The following NPNT variants were observed in gnomAD, a reference collection of about 807,000 sequenced individuals.
NPNT encodes preosteoblast EGF-like repeat protein with MAM domain.
NPNT carries 45 observed loss-of-function variants against 68.6 expected under a neutral mutation model. The ratio of observed to expected loss-of-function variants is 0.66; its 90% CI spans 0.52 to 0.84. The LOEUF (loss-of-function observed/expected upper bound fraction) is 0.84. NPNT is among the 40% of genes least tolerant of loss of function. The pLI, the probability that NPNT is intolerant of heterozygous loss-of-function variation, is 0.00. For synonymous variants in NPNT, 233 were observed against 253.3 expected (o/e 0.92, Z 0.76); for missense variants, 672 against 714.8 (o/e 0.94, Z 0.68).
intron 8 of NPNT, among the ~76,000 whole-genome samples, chr4:105,943,476 C>T (rs1560926360): frequency 6.6e-6 from 1 of 152,170 alleles, no homozygotes; most frequent in Non-Finnish European, 1.5e-5. Context: ...GTTAGACCTA[C>T]ACTGGGGCTG....
At chr4:105,953,927 G>C (rs941677669) in intron 8 of NPNT, among the ~76,000 whole-genome samples, 7 of 152,264 alleles carry the variant, frequency 4.6e-5, no homozygotes, top group Middle Eastern at 3.4e-3. Flanking sequence ...CTTACATTTT[G>C]CTATAGTTAC....
chr4:105,935,217 GTGTTA>G (rs372092562), intron 3 of NPNT, among the ~76,000 whole-genome samples: 152 of 152,290 alleles, frequency 1.0e-3, no homozygotes, highest in African/African-American at 3.6e-3. Flanking sequence ...TGATTTTACT[GTGTTA>G]TGTTGTGGTT....
rs796636387 is a variant in NPNT at position 105,968,818 on chromosome 4, G to A, written c.1603-77G>A. On this transcript the variant is annotated intron_variant, in intron 11 of 11. Coordinates refer to ENST00000379987, the MANE Select transcript of NPNT (RefSeq NM_001033047.3). ...TTAAAATTGGTTTGGGGGAAGGTTT[G>A]CCTTTATTTTTGCTTAATAAGGAGG... 26 of 780,098 alleles carry A rather than the reference G, an allele frequency of 3.3e-5. No homozygotes were observed. In the African/African-American group the frequency reaches 4.2e-4, roughly 13 times the overall value. The allele number at this position is 780,098 out of a possible 1,614,324, so 48.3% of individuals were successfully genotyped here.
intron 7 of NPNT, among the ~76,000 whole-genome samples, 192 bp from the exon 8 acceptor site, chr4:105,942,115 G>C (rs28408333): frequency 1.1e-4 from 8 of 72,240 alleles, no homozygotes; most frequent in African/African-American, 3.4e-4. Flanking sequence ...CTGTGTGTGT[G>C]TATATATATA....
intron 2 of NPNT, chr4:105,912,196 G>GT: frequency 6.5e-7 from 1 of 1,533,524 alleles, no homozygotes; most frequent in South Asian, 1.2e-5. Flanking sequence ...AGCTTTCTAC[G>GT]TCTTAAGGCA....
At chr4:105,932,470 CTA>C (rs1729190947) in intron 3 of NPNT, 1 of 502,214 alleles carries the variant, frequency 2.0e-6, no homozygotes, top group Non-Finnish European at 3.5e-6. Flanking sequence ...GAACCAGAAA[CTA>C]TTGTTTATAA....
intron 8 of NPNT, among the ~76,000 whole-genome samples, chr4:105,957,016 G>A (rs769361654): frequency 2.0e-5 from 3 of 152,084 alleles, no homozygotes; most frequent in East Asian, 1.9e-4. Flanking sequence ...TAGGAACATC[G>A]TTGAAAAAAG....
At position 105,969,030 on chromosome 4, in the gene NPNT, C is replaced by A. The variant is rs183131507; in HGVS notation, c.*40C>A. ...ACAATGAACTCCTATGTTGCTCTAT[C>A]CTCTTTTTCCAATTCTCATCTTCTC... On this transcript the variant is annotated 3_prime_UTR_variant, in exon 12 of 12. Coordinates refer to ENST00000379987, the MANE Select transcript of NPNT (RefSeq NM_001033047.3). The A allele has an allele frequency of 2.1e-3, 2,687 of 1,277,060 alleles. 6 individuals are homozygous for A. The highest frequency in any genetic ancestry group is 2.7e-3 in the Non-Finnish European group (2,408 of 881,912). The allele number at this position is 1,277,060 out of a possible 1,614,324, so 79.1% of individuals were successfully genotyped here.
intron 3 of NPNT, among the ~76,000 whole-genome samples, chr4:105,931,735 G>C (rs1055940197): frequency 2.6e-5 from 4 of 151,896 alleles, no homozygotes; most frequent in African/African-American, 9.7e-5. Context: ...AGCTACTCGG[G>C]AGGCTGTGGC....
At chr4:105,925,018 T>C (rs1469068026) in intron 2 of NPNT, among the ~76,000 whole-genome samples, 1 of 152,200 alleles carries the variant, frequency 6.6e-6, no homozygotes, top group Non-Finnish European at 1.5e-5. Flanking sequence ...TGGAAGGTCA[T>C]CTTTTTAGAT....
At chr4:105,930,655 C>G (rs1729041292) in intron 3 of NPNT, among the ~76,000 whole-genome samples, 1 of 152,158 alleles carries the variant, frequency 6.6e-6, no homozygotes, top group Admixed American at 6.5e-5. Flanking sequence ...CTTTACAGAA[C>G]TGGAAATTAG....
intron 8 of NPNT, 22 bp downstream of exon 8, chr4:105,942,724 A>C: frequency 6.4e-7 from 1 of 1,571,944 alleles, no homozygotes; most frequent in South Asian, 1.2e-5. Flanking sequence ...AAATGTTAGC[A>C]CATTTTCAAT....
Position 105,898,017 on chromosome 4 carries a change from G to A in NPNT, c.172+16G>A. 1.3e-6 allele frequency: 2 copies of A among 1,547,306 alleles called. No individual in the cohort carries two copies. Among genetic ancestry groups the A allele is most frequent in the Non-Finnish European group, 1.8e-6 (2 of 1,136,998 alleles). On this transcript the variant is annotated intron_variant, in intron 2 of 11. Transcript: ENST00000379987. Reference sequence around the variant, plus strand: ...CAGTGTCAGCGTGAGTATCAAGCCTGGGGACTTCAGTTCCCTGGGAGGTGT... The same window carrying A: ...CAGTGTCAGCGTGAGTATCAAGCCTAGGGACTTCAGTTCCCTGGGAGGTGT...
chr4:105,957,198 A>T (rs1731300629), intron 8 of NPNT, among the ~76,000 whole-genome samples: 1 of 151,894 alleles, frequency 6.6e-6, no homozygotes, highest in African/African-American at 2.4e-5. Flanking sequence ...CCCACCAGTT[A>T]CTCTCCATGA....
At chr4:105,948,590 A>C (rs1372219960) in intron 8 of NPNT, among the ~76,000 whole-genome samples, 1 of 152,102 alleles carries the variant, frequency 6.6e-6, no homozygotes, top group Non-Finnish European at 1.5e-5. Context: ...TGATGGGGAG[A>C]ACTTATGTGA....
Position 105,970,694 on chromosome 4 carries a change from A to G in NPNT, c.*1704A>G, listed in dbSNP as rs1036497336. ...TCTCTCTCTTTCTAAAAAATTAGAT[A>G]AAAATTTGTCTATTTAAGATGGTTA... On this transcript the variant is annotated 3_prime_UTR_variant, in exon 12 of 12. Transcript: ENST00000379987. The G allele has an allele frequency of 2.0e-6, 1 of 493,814 alleles. No homozygotes were observed. The highest frequency in any genetic ancestry group is 4.1e-5 in the East Asian group (1 of 24,304). The allele number at this position is 493,814 out of a possible 1,614,324, so 30.6% of individuals were successfully genotyped here.
chr4:105,909,615 G>A (rs918478107), intron 2 of NPNT, among the ~76,000 whole-genome samples: 1 of 152,056 alleles, frequency 6.6e-6, no homozygotes, highest in Non-Finnish European at 1.5e-5. Flanking sequence ...TTGTCCATAG[G>A]GTCTGTTGTC....
intron 8 of NPNT, among the ~76,000 whole-genome samples, chr4:105,950,947 A>G (rs1342837362): frequency 6.6e-6 from 1 of 152,192 alleles, no homozygotes; most frequent in African/African-American, 2.4e-5. Context: ...ATGTGTACAC[A>G]AATTACAAGG....
chr4:105,912,201 A>G, intron 2 of NPNT: 1 of 1,534,004 alleles, frequency 6.5e-7, no homozygotes, highest in Non-Finnish European at 8.7e-7. Context: ...TCTACGTCTT[A>G]AGGCAGAGAA....
Sources: allele counts gnomAD v4.1 joint callset (sites outside exome capture counted in the v4.1 genomes callset), GRCh38; gene constraint gnomAD v4.1.1; transcripts MANE v1.5; gene names NCBI Gene and HGNC (gene_info 2026-07-23, HGNC 2026-07-21).